Variants in MLYCD observed in about 807,000 individuals in gnomAD.
MLYCD encodes malonyl-CoA decarboxylase, mitochondrial.
MLYCD carries 27 observed loss-of-function variants against 35.8 expected under a neutral mutation model. The observed-to-expected ratio is 0.75, with a 90% CI of 0.56 to 1.04. MLYCD has a LOEUF of 1.04. Among genes scored for constraint, MLYCD ranks in the 50% least tolerant of loss-of-function variants. The pLI, the probability that MLYCD is intolerant of heterozygous loss-of-function variation, is 0.00. For synonymous variants in MLYCD, 403 were observed against 302.4 expected (o/e 1.33, Z -3.45); for missense variants, 917 against 665.1 (o/e 1.38, Z -4.17).
At position 83,915,536 on chromosome 16, in the gene MLYCD, A is replaced by G; in HGVS notation, c.*47A>G. On this transcript the variant is annotated 3_prime_UTR_variant, in exon 5 of 5. Coordinates refer to ENST00000262430, the MANE Select transcript of MLYCD (RefSeq NM_012213.3). The stretch of plus-strand genomic sequence containing the variant: ...CAGGGCCCCGGCTAAGAAAACGATC[A>G]TTTTCAGGAGGGGCCGGGAGTTATG... The G allele has an allele frequency of 6.3e-7, 1 of 1,597,966 alleles. No individual in the cohort carries two copies. Among genetic ancestry groups the G allele is most frequent in the Non-Finnish European group, 8.5e-7 (1 of 1,178,468 alleles).
rs1314094226 is a variant in MLYCD, at chr16:83,899,625, C to T, written c.481C>T (p.Leu161=). 4 of 1,565,368 alleles carry T rather than the reference C, an allele frequency of 2.6e-6. No homozygotes were observed. Among genetic ancestry groups the T allele is most frequent in the Non-Finnish European group, 3.4e-6 (4 of 1,164,682 alleles). ...CTTCCTGGTGCAGCTGCGGGCCGAC[C>T]TGCTGGAGGCGCAGGCCCTCAAGCT... is the stretch of plus-strand genomic sequence containing the variant. ...VRFLVQLRAD[L]LEAQALKLVE... The change falls in exon 1 of 5, where the codon CTG becomes TTG. Residue 161 remains leucine, a synonymous_variant. Transcript: ENST00000262430.
Position 83,915,459 on chromosome 16 carries a change from G to A in MLYCD, c.1452G>A (p.Val484=). The change falls in exon 5 of 5, where the codon GTG becomes GTA. Residue 484 remains valine, a synonymous_variant. Coordinates refer to ENST00000262430, the MANE Select transcript of MLYCD (RefSeq NM_012213.3). The part of the protein sequence containing the change: ...IKASEQVLSL[V]AQFQKNSKL ...CCTCTGAGCAGGTCCTCAGCCTAGT[G>A]GCCCAGTTTCAAAAGAACAGCAAGC... 1 of 1,612,944 alleles carries A rather than the reference G, an allele frequency of 6.2e-7. No individual in the cohort carries two copies. The highest frequency in any genetic ancestry group is 1.3e-5 in the African/African-American group (1 of 75,068).
rs1217627707 is a variant in MLYCD, at chr16:83,922,364, A to C, written c.*6875A>C. The C allele has an allele frequency of 6.6e-6, 1 of 152,244 alleles. No homozygotes were observed. Among genetic ancestry groups the C allele is most frequent in the Admixed American group, 6.5e-5 (1 of 15,282 alleles). 9.4% of individuals were successfully genotyped at this position (152,244 alleles called of 1,614,324 possible). A position where few individuals can be genotyped will look rare whatever the true frequency, so the allele number is the denominator to read the frequency against. ...CCCTCCATCCCACCCACAGGGTTTC[A>C]CAAGAGGCCCAGCCATGCACCCTGC... On this transcript the variant is annotated 3_prime_UTR_variant, in exon 5 of 5. Coordinates refer to ENST00000262430, the MANE Select transcript of MLYCD (RefSeq NM_012213.3).
chr16:83,905,244 A>G (rs1014161622), intron 1 of MLYCD, among the ~76,000 whole-genome samples: 4 of 151,834 alleles, frequency 2.6e-5, no homozygotes, highest in African/African-American at 9.7e-5. Flanking sequence ...AAAAAATTCT[A>G]GCTGTTGTAA....
intron 1 of MLYCD, 125 bp from the exon 2 acceptor site, chr16:83,906,862 G>T: frequency 1.2e-6 from 1 of 853,318 alleles, no homozygotes. Context: ...TGTTTGGAGA[G>T]TTGTCTTGCA....
In MLYCD at chr16:83,899,411, C is replaced by T. The variant is rs561775245; in HGVS notation, c.267C>T (p.Gly89=). Reference sequence around the variant, plus strand: ...CGGCCCAGCGGGCCGAACTGCTGGGCCGCCTGGCGCGGGGCTTCGGCGTGG... The same window carrying T: ...CGGCCCAGCGGGCCGAACTGCTGGGTCGCCTGGCGCGGGGCTTCGGCGTGG... ...AETAQRAELL[G]RLARGFGVDH... is the part of the protein sequence containing the mutation. The change falls in exon 1 of 5, where the codon GGC becomes GGT. Residue 89 remains glycine (G), a synonymous_variant. Coordinates refer to ENST00000262430, the MANE Select transcript of MLYCD (RefSeq NM_012213.3). 1.5e-4 allele frequency: 232 copies of T among 1,516,124 alleles called. 2 individuals are homozygous for T. In the South Asian group the frequency reaches 2.4e-3, roughly 16 times the overall value. The allele number at this position is 1,516,124 out of a possible 1,614,324, so 93.9% of individuals were successfully genotyped here. A position where few individuals can be genotyped will look rare whatever the true frequency, so the allele number is the denominator to read the frequency against.
In MLYCD at chr16:83,922,996, G is replaced by A. The variant is rs1037069493; in HGVS notation, c.*7507G>A. 6 of 152,284 alleles carry A rather than the reference G, an allele frequency of 3.9e-5. No homozygotes were observed. The highest frequency in any genetic ancestry group is 2.1e-4 in the South Asian group (1 of 4,826). 9.4% of individuals were successfully genotyped at this position (152,284 alleles called of 1,614,324 possible). ...CTCCTCAGGGAGAGCCCAGGCCACC[G>A]GCTAGCTCCAGACTGGCTCTGCAGG... On this transcript the variant is annotated 3_prime_UTR_variant, in exon 5 of 5. Transcript: ENST00000262430.
In MLYCD at chr16:83,918,451, GCACACACGGTGCACAGGAGAACACA is replaced by G. The variant is rs1163691257; in HGVS notation, c.*2967_*2991del. The G allele has an allele frequency of 7.3e-6, 1 of 137,440 alleles. No homozygotes were observed. Among genetic ancestry groups the G allele is most frequent in the Non-Finnish European group, 1.5e-5 (1 of 65,158 alleles). The allele number at this position is 137,440 out of a possible 1,614,324, so 8.5% of individuals were successfully genotyped here. A position where few individuals can be genotyped will look rare whatever the true frequency, so the allele number is the denominator to read the frequency against. On this transcript the variant is annotated 3_prime_UTR_variant, in exon 5 of 5. Transcript: ENST00000262430. ...GAACACATGGTGCACAGGAGAACACGCACACACGGTGCACAGGAGAACACACACAGTGCACAGGAGAACACGCACA... is the reference window on the plus strand; with the variant it reads ...GAACACATGGTGCACAGGAGAACACGCACAGTGCACAGGAGAACACGCACA...
chr16:83,899,227 CGAGCGGGCAGGCGGCCGGCGCCCTG>C lies in MLYCD; in HGVS notation c.92_116del (p.Gln31ProfsTer34), dbSNP rs1177558417. On this transcript the variant is annotated frameshift_variant, in exon 1 of 5. Transcript: ENST00000262430. LOFTEE classifies it high-confidence loss of function. Reference sequence around the variant, plus strand: ...CCGCGGCCGCCCGGGCCCCGGCTGGCGAGCGGGCAGGCGGCCGGCGCCCTGGAGCGGGCCATGGACGAGCTGCTGC... The same window carrying C: ...CCGCGGCCGCCCGGGCCCCGGCTGGCGAGCGGGCCATGGACGAGCTGCTGC... The C allele has an allele frequency of 8.1e-7, 1 of 1,236,676 alleles. No homozygotes were observed. The highest frequency in any genetic ancestry group is 3.2e-5 in the South Asian group (1 of 31,432). The allele number at this position is 1,236,676 out of a possible 1,614,324, so 76.6% of individuals were successfully genotyped here.
intron 1 of MLYCD, among the ~76,000 whole-genome samples, chr16:83,906,440 G>T (rs1435742459): frequency 6.6e-6 from 1 of 152,176 alleles, no homozygotes; most frequent in Non-Finnish European, 1.5e-5. Context: ...TCATTCGAAA[G>T]ATGCATCCTG....
intron 1 of MLYCD, among the ~76,000 whole-genome samples, chr16:83,906,204 T>G (rs1906969484): frequency 6.6e-6 from 1 of 151,936 alleles, no homozygotes; most frequent in Admixed American, 6.6e-5. Flanking sequence ...CTGGGCAACG[T>G]GGCAAAACCC....
intron 3 of MLYCD, chr16:83,911,593 C>G (rs763621642): frequency 6.4e-6 from 1 of 155,606 alleles, no homozygotes; most frequent in Non-Finnish European, 1.4e-5. Flanking sequence ...ACTTCCCAGT[C>G]TAGCTCGTTT....
At chr16:83,912,898 C>G in intron 4 of MLYCD, 1 of 195,860 alleles carries the variant, frequency 5.1e-6, no homozygotes, top group Non-Finnish European at 1.1e-5. Context: ...TTTAATCTAA[C>G]TCTCCTCTCT....
rs2067162083 is a variant in MLYCD, at chr16:83,924,813, C to G, written c.*9324C>G. 6.6e-6 allele frequency: 1 copy of G among 152,220 alleles called. No homozygotes were observed. Among genetic ancestry groups the G allele is most frequent in the Non-Finnish European group, 1.5e-5 (1 of 68,052 alleles). 9.4% of individuals were successfully genotyped at this position (152,220 alleles called of 1,614,324 possible). ...TGACCTCCTAGGGGGTACATCCAGC[C>G]AGGTTCCCCCTCAGCAATGGCCAGG... On this transcript the variant is annotated 3_prime_UTR_variant, in exon 5 of 5. Transcript: ENST00000262430.
Position 83,916,209 on chromosome 16 carries a change from T to G in MLYCD, c.*720T>G. ...ATCTGATTGTGTAGTGGTGGTCGTCTTTAAGATTAGAGACCTGGGAAGGCT... is the reference window on the plus strand; with the variant it reads ...ATCTGATTGTGTAGTGGTGGTCGTCGTTAAGATTAGAGACCTGGGAAGGCT... On this transcript the variant is annotated 3_prime_UTR_variant, in exon 5 of 5. Coordinates refer to ENST00000262430, the MANE Select transcript of MLYCD (RefSeq NM_012213.3). 1.0e-5 allele frequency: 10 copies of G among 987,702 alleles called. No homozygotes were observed. Among genetic ancestry groups the G allele is most frequent in the African/African-American group, 3.5e-5 (2 of 57,348 alleles). 61.2% of individuals were successfully genotyped at this position (987,702 alleles called of 1,614,324 possible).
rs550790489 is a variant in MLYCD, at chr16:83,908,406, G to C, written c.798+124G>C. 8.7e-6 allele frequency: 11 copies of C among 1,266,044 alleles called. No homozygotes were observed. The African/African-American group carries it at 1.7e-4, about 19-fold the overall frequency. 78.4% of individuals were successfully genotyped at this position (1,266,044 alleles called of 1,614,324 possible). ...TTTTTTTTTAAATAAATGGTTTTGG[G>C]CTTTTTTAAATTGGTTAAATAAAAT... On this transcript the variant is annotated intron_variant, in intron 3 of 4. Coordinates refer to ENST00000262430, the MANE Select transcript of MLYCD (RefSeq NM_012213.3).
chr16:83,912,252 A>T lies in MLYCD; in HGVS notation c.833A>T (p.Glu278Val), dbSNP rs1907206044. The T allele has an allele frequency of 6.2e-7, 1 of 1,614,062 alleles. No homozygotes were observed. Among genetic ancestry groups the T allele is most frequent in the African/African-American group, 1.3e-5 (1 of 74,916 alleles). Reference protein sequence around the residue: ...IVKEHPPSETEEKNKITAAIF... With the variant: ...IVKEHPPSETVEKNKITAAIF... ...AAGGAACATCCTCCATCAGAAACAGAAGAGAAGAACAAAATCACTGCTGCG... is the reference window on the plus strand; with the variant it reads ...AAGGAACATCCTCCATCAGAAACAGTAGAGAAGAACAAAATCACTGCTGCG... The change falls in exon 4 of 5, where the codon GAA becomes GTA. Residue 278 changes from glutamate to valine, a missense_variant. By Grantham distance (121) the Glu-to-Val change is moderately radical. Transcript: ENST00000262430.
chr16:83,911,279 C>T (rs1907171631), intron 3 of MLYCD, among the ~76,000 whole-genome samples: 1 of 152,202 alleles, frequency 6.6e-6, no homozygotes, highest in African/African-American at 2.4e-5. Context: ...CGCCCGGCCT[C>T]CATACAATTT....
In MLYCD at chr16:83,920,158, A is replaced by C. The variant is rs953419036; in HGVS notation, c.*4669A>C. 1.3e-5 allele frequency: 2 copies of C among 152,218 alleles called. No homozygotes were observed. Among genetic ancestry groups the C allele is most frequent in the African/African-American group, 2.4e-5 (1 of 41,434 alleles). The allele number at this position is 152,218 out of a possible 1,614,324, so 9.4% of individuals were successfully genotyped here. ...CACAGGAGAACCTAGTGCACAGAAC[A>C]CACACCCTGTGCACAGTTTTGTTTT... On this transcript the variant is annotated 3_prime_UTR_variant, in exon 5 of 5. Coordinates refer to ENST00000262430, the MANE Select transcript of MLYCD (RefSeq NM_012213.3).
Sources: gnomAD v4.1 joint callset for allele counts (sites outside exome capture counted in the v4.1 genomes callset) on GRCh38, gnomAD v4.1.1 for gene constraint, MANE v1.5 for transcripts, NCBI Gene and HGNC (gene_info 2026-07-23, HGNC 2026-07-21) for gene names.